Variants in UNC13C observed in about 807,000 individuals in gnomAD.
UNC13C encodes the protein unc-13 homolog C.
In UNC13C, 174 loss-of-function variants were observed where a neutral mutation model predicts 245.4. That is an observed-to-expected ratio of 0.71 (90% CI 0.63 to 0.80). The LOEUF (loss-of-function observed/expected upper bound fraction) is 0.80, where lower values mean the gene tolerates loss of function less well. Ranked by LOEUF, UNC13C falls within the 30% of genes least tolerant of loss-of-function variation. The pLI, the probability that UNC13C is intolerant of heterozygous loss-of-function variation, is 0.00. For synonymous variants in UNC13C, 992 were observed against 895.1 expected, an observed-to-expected ratio of 1.11 and a Z score of -1.93; for missense variants, 2,829 against 2,602.9, an observed-to-expected ratio of 1.09 and a Z score of -1.89.
intron 4 of UNC13C, among the ~76,000 whole-genome samples, chr15:54,182,667 A>G (rs999014558): frequency 4.6e-5 from 7 of 151,964 alleles, no homozygotes; most frequent in African/African-American, 1.7e-4. Flanking sequence ...TTAACAACCC[A>G]CGATTTATCC....
At chr15:53,913,265 T>G in the UNC13C span, 1 of 152,238 alleles carries the variant, frequency 6.6e-6, no homozygotes, top group Non-Finnish European at 1.5e-5. Context: ...GCACAAGCCC[T>G]ATGGGTAGTT....
At chr15:53,889,489 C>A in the UNC13C span, among the ~76,000 whole-genome samples, 16 of 152,164 alleles carry the variant, frequency 1.1e-4, no homozygotes, top group African/African-American at 3.6e-4. Context: ...ACAATCATGT[C>A]ATCTGCAAAC....
At chr15:54,169,680 GC>G (rs1336969938) in intron 4 of UNC13C, among the ~76,000 whole-genome samples, 2 of 152,156 alleles carry the variant, frequency 1.3e-5, no homozygotes, top group East Asian at 1.9e-4. Flanking sequence ...GCCCTTTCCA[GC>G]CCTAGGGCTT....
intron 19 of UNC13C, among the ~76,000 whole-genome samples, chr15:54,449,929 G>A (rs1012459274): frequency 6.6e-5 from 10 of 152,242 alleles, no homozygotes; most frequent in African/African-American, 2.4e-4. Flanking sequence ...CTTTGATGAT[G>A]GTGACGTACA....
chr15:54,520,408 G>A (rs117885586), intron 24 of UNC13C, among the ~76,000 whole-genome samples: 19 of 152,210 alleles, frequency 1.2e-4, no homozygotes, highest in Non-Finnish European at 2.8e-4. Flanking sequence ...GCTGAAGCAT[G>A]TATGAGCCAT....
At chr15:54,058,256 A>G (rs185510047) in intron 2 of UNC13C, among the ~76,000 whole-genome samples, 10 of 152,120 alleles carry the variant, frequency 6.6e-5, no homozygotes, top group African/African-American at 2.2e-4. Context: ...TCAAATAGAC[A>G]CAATAAAAAA....
intron 1 of UNC13C, among the ~76,000 whole-genome samples, chr15:53,983,314 C>T (rs1476544256): frequency 6.6e-6 from 1 of 152,044 alleles, no homozygotes; most frequent in Non-Finnish European, 1.5e-5. Context: ...TGGATTGGCA[C>T]ACTCAATGAG....
the UNC13C span, among the ~76,000 whole-genome samples, chr15:53,900,311 A>C: frequency 6.6e-6 from 1 of 152,318 alleles, no homozygotes; most frequent in East Asian, 1.9e-4. Flanking sequence ...ACGAGTTATA[A>C]AAATTGGAGA....
intron 2 of UNC13C, among the ~76,000 whole-genome samples, chr15:54,063,061 GT>G (rs757116776): frequency 1.1e-4 from 16 of 152,140 alleles, no homozygotes; most frequent in Non-Finnish European, 1.9e-4. Context: ...AAAACCTGTG[GT>G]ATTTGGTTTT....
At chr15:54,332,474 T>C (rs2038465058) in intron 15 of UNC13C, among the ~76,000 whole-genome samples, 1 of 152,016 alleles carries the variant, frequency 6.6e-6, no homozygotes, top group Admixed American at 6.6e-5. Context: ...TGAAATACTC[T>C]GCTGATATTT....
intron 10 of UNC13C, among the ~76,000 whole-genome samples, chr15:54,288,828 C>T (rs2037217073): frequency 6.6e-6 from 1 of 152,050 alleles, no homozygotes; most frequent in Non-Finnish European, 1.5e-5. Context: ...TAAGCCTGGA[C>T]AATTTTGTCT....
At chr15:54,415,496 G>A (rs755084819) in intron 19 of UNC13C, among the ~76,000 whole-genome samples, 13 of 152,074 alleles carry the variant, frequency 8.5e-5, no homozygotes, top group Admixed American at 2.0e-4. Context: ...GTCTTCACCC[G>A]AAACTCCACT....
chr15:53,859,855 G>C, the UNC13C span, among the ~76,000 whole-genome samples: 1 of 152,062 alleles, frequency 6.6e-6, no homozygotes, highest in Admixed American at 6.6e-5. Flanking sequence ...CTCCAGGCTT[G>C]GGGGATCTGT....
intron 4 of UNC13C, among the ~76,000 whole-genome samples, chr15:54,164,932 A>G (rs1471878923): frequency 6.6e-6 from 1 of 152,226 alleles, no homozygotes; most frequent in Non-Finnish European, 1.5e-5. Context: ...ATATTGTAAA[A>G]TAACTTTTAT....
rs1402010540 is a variant in UNC13C at position 54,623,871 on chromosome 15, C to G, written c.6276C>G (p.Pro2092=). 43 of 1,613,034 alleles carry G rather than the reference C, an allele frequency of 2.7e-5. No individual in the cohort carries two copies. The highest frequency in any genetic ancestry group is 3.5e-5 in the Non-Finnish European group (41 of 1,179,470). Residue 2092 remains proline, a synonymous_variant, in exon 32 of 33, where the codon CCC becomes CCG. Transcript: ENST00000260323. ...RPFVEVCILG[P]NLGDKKRKQG... is the part of the protein sequence containing the mutation. ...TTGTGGAAGTTTGTATACTGGGACC[C>G]AACCTTGGAGACAAGAAGAGAAAAC...
chr15:54,040,410 A>C (rs993851744), intron 2 of UNC13C, among the ~76,000 whole-genome samples: 1 of 151,942 alleles, frequency 6.6e-6, no homozygotes, highest in Admixed American at 6.6e-5. Context: ...AGTTTGTTAA[A>C]ATGAGATTCA....
chr15:53,938,966 A>G, the UNC13C span, among the ~76,000 whole-genome samples: 1 of 152,148 alleles, frequency 6.6e-6, no homozygotes, highest in African/African-American at 2.4e-5. Context: ...GCAAACCTCA[A>G]AGCTAGCAGA....
At chr15:54,056,996 C>T (rs1897560008) in intron 2 of UNC13C, among the ~76,000 whole-genome samples, 1 of 152,214 alleles carries the variant, frequency 6.6e-6, no homozygotes, top group Admixed American at 6.5e-5. Flanking sequence ...GTACCAGCCA[C>T]TGCCAAAACA....
At chr15:54,210,386 G>A (rs1207161412) in intron 4 of UNC13C, among the ~76,000 whole-genome samples, 4 of 151,740 alleles carry the variant, frequency 2.6e-5, no homozygotes, top group African/African-American at 7.2e-5. Flanking sequence ...GGTCATAAAT[G>A]AGGATTGTGT....
Sources: allele counts gnomAD v4.1 joint callset (sites outside exome capture counted in the v4.1 genomes callset), GRCh38; gene constraint gnomAD v4.1.1; transcripts MANE v1.5; gene names NCBI Gene and HGNC (gene_info 2026-07-23, HGNC 2026-07-21).